The following PLCL1 variants were observed in gnomAD, a reference collection of about 807,000 sequenced individuals.
PLCL1 encodes the protein phospholipase C like 1 (inactive).
Under a neutral mutation model 84.4 loss-of-function variants are expected in PLCL1, and 41 were observed. The ratio of observed to expected loss-of-function variants is 0.49; its 90% CI spans 0.38 to 0.63. PLCL1 has a LOEUF of 0.63. PLCL1 is among the 30% of genes least tolerant of loss of function. PLCL1 has a pLI of 0.00. For synonymous variants in PLCL1, 490 were observed against 488.3 expected, an observed-to-expected ratio of 1.00 and a Z score of -0.05; for missense variants, 1,206 against 1,367.8, an observed-to-expected ratio of 0.88 and a Z score of 1.87.
chr2:197,923,303 C>T (rs865959298), intron 1 of PLCL1, among the ~76,000 whole-genome samples: 1,692 of 145,022 alleles, frequency 0.012, 22 homozygotes, highest in African/African-American at 0.042. Flanking sequence ...CGGGCGGAGA[C>T]GCTCCTCACT....
intron 5 of PLCL1, among the ~76,000 whole-genome samples, chr2:198,137,568 G>T (rs1300974456): frequency 1.3e-5 from 2 of 152,156 alleles, no homozygotes; most frequent in African/African-American, 4.8e-5. Flanking sequence ...GTATCTGTAA[G>T]ACTGGAGGAG....
chr2:197,832,248 A>T (rs1389336792), intron 1 of PLCL1, among the ~76,000 whole-genome samples: 1 of 152,196 alleles, frequency 6.6e-6, no homozygotes, highest in Admixed American at 6.5e-5. Context: ...CAAAATAGAT[A>T]GATGGCTAGC....
chr2:197,944,252 A>G (rs1163500771), intron 1 of PLCL1, among the ~76,000 whole-genome samples: 1 of 152,122 alleles, frequency 6.6e-6, no homozygotes, highest in Non-Finnish European at 1.5e-5. Context: ...TTGTCTCTTC[A>G]GAGAAGAATT....
At chr2:198,135,611 A>T (rs1057343794) in intron 5 of PLCL1, among the ~76,000 whole-genome samples, 1 of 152,162 alleles carries the variant, frequency 6.6e-6, no homozygotes, top group Non-Finnish European at 1.5e-5. Context: ...GTTTTCTATT[A>T]TTCAGCTCAC....
chr2:197,920,214 G>A (rs1351485045), intron 1 of PLCL1, among the ~76,000 whole-genome samples: 1 of 152,012 alleles, frequency 6.6e-6, no homozygotes, highest in Non-Finnish European at 1.5e-5. Context: ...AGCTATTTCT[G>A]CAGGGGAGAG....
At chr2:197,879,941 A>C (rs542266401) in intron 1 of PLCL1, among the ~76,000 whole-genome samples, 1 of 152,302 alleles carries the variant, frequency 6.6e-6, no homozygotes, top group South Asian at 2.1e-4. Context: ...AAAAGAGAAA[A>C]ATAAAAGCTT....
At chr2:197,982,427 C>A (rs1690127733) in intron 1 of PLCL1, among the ~76,000 whole-genome samples, 1 of 152,212 alleles carries the variant, frequency 6.6e-6, no homozygotes, top group Non-Finnish European at 1.5e-5. Flanking sequence ...ATACTTTTAA[C>A]TATCTTTAAG....
chr2:197,982,099 A>C (rs1690117533), intron 1 of PLCL1, among the ~76,000 whole-genome samples: 1 of 151,784 alleles, frequency 6.6e-6, no homozygotes, highest in Non-Finnish European at 1.5e-5. Context: ...ATCATGGGAA[A>C]GTAAAAACTG....
rs142711958 is a variant in PLCL1, at chr2:197,840,828, A to G, written c.240+35489A>G. ...TTTGTTTGGTTTTATCAGTTGAGGG[A>G]GATGGCCTACTTCTTTGCCATGTGA... On this transcript the variant is annotated intron_variant, in intron 1 of 5. Transcript: ENST00000428675. Among the ~76,000 whole-genome samples the G allele has an allele frequency of 7.9e-5, 12 of 152,234 alleles. No individual in the cohort carries two copies. The South Asian group carries it at 1.2e-3, about 16-fold the overall frequency.
chr2:197,958,906 G>T (rs910351619), intron 1 of PLCL1, among the ~76,000 whole-genome samples: 2 of 105,350 alleles, frequency 1.9e-5, no homozygotes, highest in African/African-American at 8.1e-5. Context: ...GTGCTCTTGT[G>T]CACTAATCTG....
intron 1 of PLCL1, among the ~76,000 whole-genome samples, chr2:198,066,947 A>G (rs1274166857): frequency 6.6e-6 from 1 of 152,022 alleles, no homozygotes; most frequent in Non-Finnish European, 1.5e-5. Context: ...TTTAAATTAC[A>G]TGTTTGTGTG....
chr2:197,851,629 G>C (rs564715017), intron 1 of PLCL1, among the ~76,000 whole-genome samples: 6 of 152,352 alleles, frequency 3.9e-5, no homozygotes, highest in Admixed American at 2.0e-4. Context: ...ACTGGGGAAA[G>C]TAGTGAAAAG....
chr2:197,850,169 CATT>C lies in PLCL1; in HGVS notation c.240+44832_240+44834del, dbSNP rs566754582. On this transcript the variant is annotated intron_variant, in intron 1 of 5. Coordinates refer to ENST00000428675, the MANE Select transcript of PLCL1 (RefSeq NM_006226.4). ...CCTTTCCAAGGTTTAGCAATTTCCT[CATT>C]AGTACTGCGACAGGATTGAATCAGA... Among the ~76,000 whole-genome samples the C allele has an allele frequency of 4.4e-4, 67 of 152,270 alleles. 2 individuals carry two copies. In the South Asian group the frequency reaches 9.7e-3, roughly 22 times the overall value.
intron 1 of PLCL1, among the ~76,000 whole-genome samples, chr2:197,879,198 A>G (rs1687786731): frequency 6.6e-6 from 1 of 152,178 alleles, no homozygotes. Context: ...ATTAATAACC[A>G]GGTTTTGTAT....
intron 1 of PLCL1, among the ~76,000 whole-genome samples, chr2:198,021,245 A>C (rs921394460): frequency 6.6e-6 from 1 of 152,210 alleles, no homozygotes; most frequent in African/African-American, 2.4e-5. Flanking sequence ...ACACAGCTAA[A>C]GCAGTGTTTA....
chr2:197,967,793 A>G (rs1031214509), intron 1 of PLCL1, among the ~76,000 whole-genome samples: 10 of 152,220 alleles, frequency 6.6e-5, no homozygotes, highest in African/African-American at 2.4e-4. Context: ...TATCATGCAT[A>G]TGAACTTTGA....
At chr2:198,092,065 C>T (rs1198563605) in intron 3 of PLCL1, among the ~76,000 whole-genome samples, 12 of 151,904 alleles carry the variant, frequency 7.9e-5, no homozygotes, top group African/African-American at 1.2e-4. Context: ...CCAGCCTCAC[C>T]TGCTTCTCCC....
At chr2:197,948,848 G>A (rs879520629) in intron 1 of PLCL1, among the ~76,000 whole-genome samples, 2 of 152,136 alleles carry the variant, frequency 1.3e-5, no homozygotes, top group Non-Finnish European at 2.9e-5. Flanking sequence ...TGGTATAAAC[G>A]GTGTTGTGTT....
Position 197,805,013 on chromosome 2 carries a change from C to T in PLCL1, c.-87C>T. 1.5e-6 allele frequency: 2 copies of T among 1,355,878 alleles called. No homozygotes were observed. The highest frequency in any genetic ancestry group is 3.1e-5 in the East Asian group (1 of 32,068). 84.0% of individuals were successfully genotyped at this position (1,355,878 alleles called of 1,614,324 possible). On this transcript the variant is annotated 5_prime_UTR_variant, in exon 1 of 6. Transcript: ENST00000428675. This position sits in a 1 kb window ranked among gnomAD's most constrained non-coding sequence, Gnocchi z 4.0. ...AACAAAGTCTGGCGGGGCCGCCTCC[C>T]GGTGCAGGAGCGCACCGGTGCCTAG...
Sources: allele counts gnomAD v4.1 joint callset (sites outside exome capture counted in the v4.1 genomes callset), GRCh38; gene constraint gnomAD v4.1.1; non-coding constraint Gnocchi (gnomAD v3.1); transcripts MANE v1.5; gene names NCBI Gene and HGNC (gene_info 2026-07-23, HGNC 2026-07-21).